BICC1: variants seen among roughly 807,000 people sequenced by gnomAD.
BICC1 encodes protein bicaudal C homolog 1.
Under a neutral mutation model 111.0 loss-of-function variants are expected in BICC1, and 43 were observed. The observed-to-expected ratio is 0.39, with a 90% CI of 0.30 to 0.50. The LOEUF is 0.50. BICC1 is among the 20% of genes least tolerant of loss of function. The pLI is 0.88. For missense variants in BICC1, 1,091 were observed against 1,203.2 expected (o/e 0.91, Z 1.38); for synonymous variants, 467 against 434.4 (o/e 1.07, Z -0.93).
chr10:58,803,214 C>A lies in BICC1; in HGVS notation c.2153C>A (p.Ala718Asp). Residue 718 changes from alanine (A) to aspartate (D), a missense_variant, in exon 15 of 21, where the codon GCT (alanine) becomes GAT (aspartate). Around this residue, in one of 3 missense-constraint regions of BICC1, gnomAD observed 843 missense variants for 900.8 expected, o/e 0.94. Coordinates refer to ENST00000373886, the MANE Select transcript of BICC1 (RefSeq NM_001080512.3). ...CAAAACTCCGAAAGGGCCCACCTTGCTCCACGGTCATCATATGTCAACATG... is the reference window on the plus strand; with the variant it reads ...CAAAACTCCGAAAGGGCCCACCTTGATCCACGGTCATCATATGTCAACATG... ...AQQNSERAHL[A>D]PRSSYVNMQA... 1 of 1,605,916 alleles carries A rather than the reference C, an allele frequency of 6.2e-7. No homozygotes were observed. The highest frequency in any genetic ancestry group is 8.5e-7 in the Non-Finnish European group (1 of 1,176,222).
At position 58,769,404 on chromosome 10, in the gene BICC1, G is replaced by GTATATATATATATATATATA. The variant is rs59606054; in HGVS notation, c.308-15594_308-15575dup. The stretch of plus-strand genomic sequence containing the variant: ...TGTGTGTGTGTGTGTGTGTGTGTGT[G>GTATATATATATATATATATA]TATATATATATATATATATATAATC... On this transcript the variant is annotated intron_variant, in intron 3 of 20. Transcript: ENST00000373886. Among the ~76,000 whole-genome samples, 642 of 109,504 alleles carry GTATATATATATATATATATA rather than the reference G, an allele frequency of 5.9e-3. 3 individuals are homozygous for GTATATATATATATATATATA. The highest frequency in any genetic ancestry group is 8.6e-3 in the Non-Finnish European group (448 of 52,032). 71.8% of individuals were successfully genotyped at this position (109,504 alleles called of 152,430 possible).
At chr10:58,776,144 C>T (rs1842743155) in intron 3 of BICC1, among the ~76,000 whole-genome samples, 1 of 152,152 alleles carries the variant, frequency 6.6e-6, no homozygotes, top group Non-Finnish European at 1.5e-5. Flanking sequence ...AAATTCTTAT[C>T]TGAGTAGCTC....
At chr10:58,702,582 A>G (rs1840271375) in intron 3 of BICC1, among the ~76,000 whole-genome samples, 2 of 151,534 alleles carry the variant, frequency 1.3e-5, no homozygotes, top group Non-Finnish European at 2.9e-5. Context: ...GTCTTCATCT[A>G]TCAGACAGCA....
chr10:58,756,850 T>C (rs770325914), intron 3 of BICC1, among the ~76,000 whole-genome samples: 1 of 152,192 alleles, frequency 6.6e-6, no homozygotes, highest in Non-Finnish European at 1.5e-5. Flanking sequence ...CTTTCTAGTC[T>C]CTTATGCTGT....
Position 58,679,347 on chromosome 10 carries a change from A to AG in BICC1, c.238-22723dup, listed in dbSNP as rs371303750. On this transcript the variant is annotated intron_variant, in intron 2 of 20. Coordinates refer to ENST00000373886, the MANE Select transcript of BICC1 (RefSeq NM_001080512.3). Reference sequence around the variant, plus strand: ...AAATAGACAAAATTAAAAAAGATAAAGGGGATCTCACTACTGATTGCACAG... The same window carrying AG: ...AAATAGACAAAATTAAAAAAGATAAAGGGGGATCTCACTACTGATTGCACAG... 1.1e-4 allele frequency among the ~76,000 whole-genome samples: 17 copies of AG among 152,348 alleles called. No homozygotes were observed. The South Asian group carries it at 3.5e-3, about 32-fold the overall frequency.
At chr10:58,715,782 A>G in intron 3 of BICC1, 1 of 1,439,390 alleles carries the variant, frequency 6.9e-7, no homozygotes, top group Non-Finnish European at 9.7e-7. Context: ...GGAAAAACAC[A>G]GGGAGAAATT....
At chr10:58,809,197 AT>A (rs1373416258) in intron 17 of BICC1, among the ~76,000 whole-genome samples, 274 of 134,316 alleles carry the variant, frequency 2.0e-3, no homozygotes, top group African/African-American at 5.7e-3. Flanking sequence ...TAAGTTTTGT[AT>A]TTTTTTTTTT....
intron 3 of BICC1, among the ~76,000 whole-genome samples, chr10:58,734,179 G>A (rs1037190225): frequency 2.0e-5 from 3 of 152,284 alleles, no homozygotes; most frequent in African/African-American, 7.2e-5. Context: ...CTAGTGGAGG[G>A]TGAGCACCCC....
intron 2 of BICC1, among the ~76,000 whole-genome samples, chr10:58,666,316 A>G (rs1458561351): frequency 6.6e-6 from 1 of 152,230 alleles, no homozygotes; most frequent in Non-Finnish European, 1.5e-5. Context: ...AGATTGGCCA[A>G]CACTCAGCTA....
At chr10:58,808,320 C>T (rs12266452) in intron 17 of BICC1, among the ~76,000 whole-genome samples, 2,773 of 152,274 alleles carry the variant, frequency 0.018, 78 homozygotes, top group African/African-American at 0.062. Context: ...CTTTTGTTAA[C>T]AGAGACCATA....
intron 3 of BICC1, among the ~76,000 whole-genome samples, chr10:58,735,380 C>G (rs2132576718): frequency 6.6e-6 from 1 of 152,294 alleles, no homozygotes; most frequent in Non-Finnish European, 1.5e-5. Context: ...TGTTAAAGCC[C>G]TTCGATGCCA....
chr10:58,663,012 TTTATTTGTAG>T (rs1838890448), intron 2 of BICC1, among the ~76,000 whole-genome samples: 1 of 152,070 alleles, frequency 6.6e-6, no homozygotes, highest in African/African-American at 2.4e-5. Context: ...AGATGTCATT[TTTATTTGTAG>T]TTGGCTTTGA....
intron 3 of BICC1, among the ~76,000 whole-genome samples, chr10:58,748,775 A>G (rs7083282): frequency 0.6 from 91,598 of 151,866 alleles, 29,198 homozygotes; most frequent in East Asian, 0.9. Flanking sequence ...TTTGAGCCCT[A>G]CCCCCTGAGA....
At chr10:58,623,507 A>G (rs1186988003) in intron 2 of BICC1, among the ~76,000 whole-genome samples, 1 of 152,198 alleles carries the variant, frequency 6.6e-6, no homozygotes, top group Non-Finnish European at 1.5e-5. Flanking sequence ...GTAAAAGCCT[A>G]AGATGTTATA....
At chr10:58,629,828 G>A (rs1837738700) in intron 2 of BICC1, among the ~76,000 whole-genome samples, 1 of 152,160 alleles carries the variant, frequency 6.6e-6, no homozygotes, top group Admixed American at 6.5e-5. Context: ...TCTTGGCAAA[G>A]TATGTTGCGT....
intron 1 of BICC1, among the ~76,000 whole-genome samples, chr10:58,543,650 T>C (rs1296955913): frequency 6.6e-6 from 1 of 151,914 alleles, no homozygotes; most frequent in Non-Finnish European, 1.5e-5. Flanking sequence ...GCTAGGACTA[T>C]GGTTATGTGC....
At chr10:58,822,956 G>T (rs796688311) in intron 20 of BICC1, among the ~76,000 whole-genome samples, 1 of 151,816 alleles carries the variant, frequency 6.6e-6, no homozygotes, top group Non-Finnish European at 1.5e-5. Context: ...ATAAGGTTTT[G>T]TTTTATTTTT....
At chr10:58,767,536 C>T (rs1020796413) in intron 3 of BICC1, among the ~76,000 whole-genome samples, 16 of 152,028 alleles carry the variant, frequency 1.1e-4, no homozygotes, top group East Asian at 1.9e-4. Context: ...CGCAGAAACC[C>T]GACACCAGCA....
At chr10:58,656,978 C>T (rs1365628940) in intron 2 of BICC1, among the ~76,000 whole-genome samples, 1 of 152,094 alleles carries the variant, frequency 6.6e-6, no homozygotes, top group Non-Finnish European at 1.5e-5. Context: ...GACAGTGACC[C>T]AGTCTGGGAT....
Sources: gnomAD v4.1 joint callset for allele counts (sites outside exome capture counted in the v4.1 genomes callset) on GRCh38, gnomAD v4.1.1 for gene constraint, gnomAD v4.1.1 regional missense constraint, MANE v1.5 for transcripts, NCBI Gene and HGNC (gene_info 2026-07-23, HGNC 2026-07-21) for gene names.